Variants in PLCB4 observed in about 807,000 individuals in gnomAD.
PLCB4 encodes the protein phospholipase C beta 4.
In PLCB4, 77 loss-of-function variants were observed where a neutral mutation model predicts 178.8. The ratio of observed to expected loss-of-function variants is 0.43; its 90% confidence interval spans 0.36 to 0.52. The LOEUF (loss-of-function observed/expected upper bound fraction) is 0.52, where lower values mean the gene tolerates loss of function less well. Among genes scored for constraint, PLCB4 ranks in the 20% least tolerant of loss-of-function variants. The probability of loss-of-function intolerance (pLI) is 0.00; values close to 1 mark genes in which losing one functional copy is unlikely to be tolerated. For missense variants in PLCB4, 1,024 were observed against 1,453.4 expected (o/e 0.70, Z 4.80); for synonymous variants, 496 against 490.8 (o/e 1.01, Z -0.14).
At chr20:9,203,056 A>AAAAAAAAT (rs769628056) in intron 2 of PLCB4, among the ~76,000 whole-genome samples, 37 of 126,144 alleles carry the variant, frequency 2.9e-4, no homozygotes, top group African/African-American at 1.2e-3. Context: ...AAAAAAAAAA[A>AAAAAAAAT]ATATATATAT....
At chr20:9,314,051 G>A (rs544932491) in intron 4 of PLCB4, among the ~76,000 whole-genome samples, 1 of 152,290 alleles carries the variant, frequency 6.6e-6, no homozygotes, top group South Asian at 2.1e-4. Flanking sequence ...GAAGGGAGAG[G>A]CCAGGGCTTC....
intron 2 of PLCB4, among the ~76,000 whole-genome samples, chr20:9,177,697 A>G (rs560121998): frequency 5.3e-5 from 8 of 152,312 alleles, no homozygotes; most frequent in Non-Finnish European, 7.3e-5. Context: ...ATTTGATCCT[A>G]CTTGTTTTCA....
At chr20:9,389,135 C>T (rs6056591) in intron 15 of PLCB4, among the ~76,000 whole-genome samples, 16,304 of 152,060 alleles carry the variant, frequency 0.11, 2,160 homozygotes, top group African/African-American at 0.3. Flanking sequence ...TAAGCAGAGA[C>T]GGGGCCAACC....
At chr20:9,095,844 G>A (rs2090891021) in intron 1 of PLCB4, among the ~76,000 whole-genome samples, 1 of 152,068 alleles carries the variant, frequency 6.6e-6, no homozygotes, top group Non-Finnish European at 1.5e-5. Context: ...CTTACCTTCT[G>A]CTACCTACAC....
chr20:9,475,301 C>G (rs543387414), intron 38 of PLCB4, among the ~76,000 whole-genome samples: 2 of 152,156 alleles, frequency 1.3e-5, no homozygotes, highest in Non-Finnish European at 2.9e-5. Flanking sequence ...CATCTTGTGT[C>G]GCTAGCTTTG....
chr20:9,285,348 A>T (rs1003497521), intron 3 of PLCB4, among the ~76,000 whole-genome samples: 3 of 151,898 alleles, frequency 2.0e-5, no homozygotes, highest in African/African-American at 7.2e-5. Context: ...TGTGGTGTGC[A>T]TTGTTTAGTC....
At chr20:9,284,883 C>T (rs8119464) in intron 3 of PLCB4, among the ~76,000 whole-genome samples, 37,559 of 151,774 alleles carry the variant, frequency 0.25, 4,972 homozygotes, top group East Asian at 0.37. Context: ...GTCTAGAGCT[C>T]TGCTTAAGTT....
intron 4 of PLCB4, among the ~76,000 whole-genome samples, chr20:9,318,811 G>C (rs2147944438): frequency 6.6e-6 from 1 of 152,346 alleles, no homozygotes; most frequent in Admixed American, 6.5e-5. Context: ...GGTCTCTCAA[G>C]TACTACTGTA....
rs372776576 is a variant in PLCB4, at chr20:9,110,708, C to T, written c.-79+14366C>T. Among the ~76,000 whole-genome samples the T allele has an allele frequency of 2.0e-4, 31 of 152,288 alleles. 1 individual carries two copies. In the South Asian group the frequency reaches 6.4e-3, roughly 32 times the overall value. ...ATCTACAGATTGCCAGATCTTTCTC[C>T]TTTTCTCCAACTTAGTGTGTTGGCA... On this transcript the variant is annotated intron_variant, in intron 2 of 39. Coordinates refer to ENST00000378473, the MANE Select transcript of PLCB4 (RefSeq NM_001377142.1).
chr20:9,319,437 A>G (rs111402281), intron 4 of PLCB4, among the ~76,000 whole-genome samples: 1 of 152,126 alleles, frequency 6.6e-6, no homozygotes, highest in African/African-American at 2.4e-5. Context: ...ATATAGAGAT[A>G]TATAGGTAGG....
intron 3 of PLCB4, among the ~76,000 whole-genome samples, chr20:9,268,384 A>T (rs916610876): frequency 6.6e-6 from 1 of 152,156 alleles, no homozygotes; most frequent in East Asian, 1.9e-4. Flanking sequence ...CTGATATCCC[A>T]TTATTCCAAA....
chr20:9,196,289 A>G (rs1230464978), intron 2 of PLCB4, among the ~76,000 whole-genome samples: 4 of 152,176 alleles, frequency 2.6e-5, no homozygotes, highest in African/African-American at 9.7e-5. Context: ...TGCCCTGACA[A>G]TGGAATAGGA....
intron 2 of PLCB4, among the ~76,000 whole-genome samples, chr20:9,180,234 A>T (rs575871516): frequency 1.3e-5 from 2 of 152,300 alleles, no homozygotes; most frequent in African/African-American, 4.8e-5. Flanking sequence ...ATTATTATGG[A>T]TAGTAATTAT....
At chr20:9,247,174 A>G (rs1230739652) in intron 3 of PLCB4, among the ~76,000 whole-genome samples, 1 of 152,196 alleles carries the variant, frequency 6.6e-6, no homozygotes, top group Admixed American at 6.5e-5. Flanking sequence ...GCCAATGCCC[A>G]TAATTGAAGA....
chr20:9,267,671 T>G (rs558599740), intron 3 of PLCB4, among the ~76,000 whole-genome samples: 1 of 152,114 alleles, frequency 6.6e-6, no homozygotes, highest in South Asian at 2.1e-4. Context: ...AAATATACAT[T>G]TTGGGCTGAA....
chr20:9,345,007 T>A (rs1217799392), intron 7 of PLCB4, among the ~76,000 whole-genome samples: 1 of 152,048 alleles, frequency 6.6e-6, no homozygotes, highest in East Asian at 1.9e-4. Context: ...TAAGAATAAA[T>A]GCAGCCTACT....
chr20:9,335,826 C>T (rs892188670), intron 4 of PLCB4, among the ~76,000 whole-genome samples: 1 of 152,102 alleles, frequency 6.6e-6, no homozygotes, highest in Non-Finnish European at 1.5e-5. Context: ...GACAGCAGTA[C>T]AGAGCACACG....
chr20:9,168,782 G>C (rs145962747), intron 2 of PLCB4, among the ~76,000 whole-genome samples: 211 of 152,278 alleles, frequency 1.4e-3, no homozygotes, highest in African/African-American at 5.0e-3. Flanking sequence ...GACACTGGCC[G>C]CTTTGTGGCT....
intron 2 of PLCB4, among the ~76,000 whole-genome samples, chr20:9,124,409 A>C (rs1009368629): frequency 2.0e-5 from 3 of 152,096 alleles, no homozygotes; most frequent in Admixed American, 2.0e-4. Context: ...GGATGGGAGG[A>C]TCCCTTGAGC....
Sources: gnomAD v4.1 joint callset for allele counts (sites outside exome capture counted in the v4.1 genomes callset) on GRCh38, gnomAD v4.1.1 for gene constraint, MANE v1.5 for transcripts, NCBI Gene and HGNC (gene_info 2026-07-23, HGNC 2026-07-21) for gene names.